Variants in CTDSPL2 observed in about 807,000 individuals in gnomAD.
CTDSPL2 encodes CTD small phosphatase-like protein 2.
A neutral mutation model predicts 60.0 loss-of-function variants in CTDSPL2; 5 were observed. That is an observed-to-expected ratio of 0.08 (90% confidence interval 0.04 to 0.18). The LOEUF is 0.18. CTDSPL2 is among the 10% of genes least tolerant of loss of function. The pLI, the probability that CTDSPL2 is intolerant of heterozygous loss-of-function variation, is 1.00. For synonymous variants in CTDSPL2, 186 were observed against 189.3 expected, an observed-to-expected ratio of 0.98 and a Z score of 0.14; for missense variants, 370 against 548.8, an observed-to-expected ratio of 0.67 and a Z score of 3.26.
intron 8 of CTDSPL2, among the ~76,000 whole-genome samples, chr15:44,509,369 T>G (rs1251652213): frequency 6.6e-6 from 1 of 152,030 alleles, no homozygotes; most frequent in Non-Finnish European, 1.5e-5. Flanking sequence ...CATGCCCAGC[T>G]AATTTTTTGC....
chr15:44,455,139 C>T (rs1015662271), intron 1 of CTDSPL2, among the ~76,000 whole-genome samples: 1 of 152,204 alleles, frequency 6.6e-6, no homozygotes, highest in African/African-American at 2.4e-5. Flanking sequence ...AGGTCCTTCA[C>T]ATCCCTTGTA....
At chr15:44,442,357 G>A (rs2080106793) in intron 1 of CTDSPL2, among the ~76,000 whole-genome samples, 1 of 150,984 alleles carries the variant, frequency 6.6e-6, no homozygotes, top group Non-Finnish European at 1.5e-5. Context: ...TGAGGCAGGA[G>A]AATTGCTTGA....
At chr15:44,447,952 C>T (rs116758960) in intron 1 of CTDSPL2, 73 of 180,916 alleles carry the variant, frequency 4.0e-4, no homozygotes, top group African/African-American at 1.7e-3. Flanking sequence ...TGGCCCATGA[C>T]GGGACCCATG....
Position 44,504,032 on chromosome 15 carries a change from G to A in CTDSPL2, c.969+4219G>A, listed in dbSNP as rs1248651973. ...GTTTTCTTGGGAATCTTACAGCTTA[G>A]GATAATTTTCATATCACAGAACAAG... On this transcript the variant is annotated intron_variant, in intron 8 of 12. Transcript: ENST00000260327. Among the ~76,000 whole-genome samples, 3 of 152,210 alleles carry A rather than the reference G, an allele frequency of 2.0e-5. No homozygotes were observed. In the East Asian group the frequency reaches 5.8e-4, roughly 29 times the overall value.
At chr15:44,523,388 C>CTACATACATACATACA (rs61461067) in intron 12 of CTDSPL2, among the ~76,000 whole-genome samples, 15 of 145,006 alleles carry the variant, frequency 1.0e-4, no homozygotes, top group Admixed American at 2.1e-4. Context: ...GACCTCATCT[C>CTACATACATACATACA]TACATACATA....
intron 7 of CTDSPL2, among the ~76,000 whole-genome samples, chr15:44,498,366 G>A (rs1450196299): frequency 6.6e-6 from 1 of 152,042 alleles, no homozygotes; most frequent in East Asian, 1.9e-4. Flanking sequence ...CAGCACTTTG[G>A]GAGGCTCCAT....
chr15:44,440,620 T>C (rs2080065884), intron 1 of CTDSPL2, among the ~76,000 whole-genome samples: 1 of 152,224 alleles, frequency 6.6e-6, no homozygotes, highest in African/African-American at 2.4e-5. Flanking sequence ...GTTTATCAAT[T>C]TACTCATCTT....
At chr15:44,454,325 A>G (rs1158283925) in intron 1 of CTDSPL2, among the ~76,000 whole-genome samples, 1 of 152,154 alleles carries the variant, frequency 6.6e-6, no homozygotes, top group African/African-American at 2.4e-5. Context: ...TCCAGATATT[A>G]GCCCTTTGTC....
Position 44,514,493 on chromosome 15 carries a change from A to G in CTDSPL2, c.970-105A>G, listed in dbSNP as rs7176244. 1.9e-4 allele frequency: 138 copies of G among 730,440 alleles called. No homozygotes were observed. The African/African-American group carries it at 2.1e-3, about 11-fold the overall frequency. 45.2% of individuals were successfully genotyped at this position (730,440 alleles called of 1,614,324 possible). On this transcript the variant is annotated intron_variant, in intron 8 of 12. Coordinates refer to ENST00000260327, the MANE Select transcript of CTDSPL2 (RefSeq NM_016396.3). ...AGTTAATATTTCTATACTTTAAAAC[A>G]TGAACTTTTTCATTATAATCAAAGT...
chr15:44,435,788 G>A (rs2079968869), intron 1 of CTDSPL2, among the ~76,000 whole-genome samples: 1 of 151,830 alleles, frequency 6.6e-6, no homozygotes, highest in South Asian at 2.1e-4. Context: ...TGTGCTTTTA[G>A]TAGAGACGGG....
At chr15:44,484,564 G>A (rs908581285) in intron 3 of CTDSPL2, among the ~76,000 whole-genome samples, 11 of 152,084 alleles carry the variant, frequency 7.2e-5, no homozygotes, top group South Asian at 2.1e-4. Flanking sequence ...GCAAAACCCC[G>A]TCTCTATTAA....
At position 44,448,456 on chromosome 15, in the gene CTDSPL2, T is replaced by A. The variant is rs1443183028; in HGVS notation, c.-24-10535T>A. 3 of 246,500 alleles carry A rather than the reference T, an allele frequency of 1.2e-5. No homozygotes were observed. In the South Asian group the frequency reaches 1.6e-4, roughly 13 times the overall value. 15.3% of individuals were successfully genotyped at this position (246,500 alleles called of 1,614,324 possible). A position where few individuals can be genotyped will look rare whatever the true frequency, so the allele number is the denominator to read the frequency against. ...TTCCATGCTGGCACCCCCAGTGTAG[T>A]CAGCGCTTGGGCCTCATCCTCTCGA... On this transcript the variant is annotated intron_variant, in intron 1 of 12. Coordinates refer to ENST00000260327, the MANE Select transcript of CTDSPL2 (RefSeq NM_016396.3).
intron 1 of CTDSPL2, among the ~76,000 whole-genome samples, chr15:44,452,240 T>C (rs1020314113): frequency 6.6e-6 from 1 of 152,186 alleles, no homozygotes; most frequent in Non-Finnish European, 1.5e-5. Context: ...TCTGTTTTGC[T>C]TTTTTTCTCT....
At position 44,521,380 on chromosome 15, in the gene CTDSPL2, C is replaced by A; in HGVS notation, c.1309C>A (p.Pro437Thr). ...KNDNELLKLI[P>T]FLEKLVELNE... is the part of the protein sequence containing the mutation. ...TGACAATGAACTCCTAAAATTGATT[C>A]CATTCCTGGAGAAGCTTGTAGAACT... The change falls in exon 12 of 13, where the codon CCA (proline) becomes ACA (threonine). Residue 437 changes from proline to threonine, a missense_variant. Coordinates refer to ENST00000260327, the MANE Select transcript of CTDSPL2 (RefSeq NM_016396.3). The A allele has an allele frequency of 6.3e-7, 1 of 1,591,014 alleles. No individual in the cohort carries two copies. The highest frequency in any genetic ancestry group is 1.3e-5 in the African/African-American group (1 of 74,296).
In CTDSPL2 at chr15:44,525,520, A is replaced by G; in HGVS notation, c.*1346A>G. 1 of 398,830 alleles carries G rather than the reference A, an allele frequency of 2.5e-6. No individual in the cohort carries two copies. The highest frequency in any genetic ancestry group is 1.3e-4 in the South Asian group (1 of 7,862). The allele number at this position is 398,830 out of a possible 1,614,324, so 24.7% of individuals were successfully genotyped here. ...CCACAGGCTCAGACTGTTTTTGTGTAAAGGATGTCAAAGAACGGCACTTTT... is the reference window on the plus strand; with the variant it reads ...CCACAGGCTCAGACTGTTTTTGTGTGAAGGATGTCAAAGAACGGCACTTTT... On this transcript the variant is annotated 3_prime_UTR_variant, in exon 13 of 13. Coordinates refer to ENST00000260327, the MANE Select transcript of CTDSPL2 (RefSeq NM_016396.3).
At chr15:44,448,011 C>T in intron 1 of CTDSPL2, 1 of 215,946 alleles carries the variant, frequency 4.6e-6, no homozygotes. Context: ...GGCACCCGTC[C>T]ACCCCAGTTC....
chr15:44,490,986 C>A lies in CTDSPL2; in HGVS notation c.678C>A (p.Ile226=), dbSNP rs750460927. 1 of 1,613,422 alleles carries A rather than the reference C, an allele frequency of 6.2e-7. No homozygotes were observed. The highest frequency in any genetic ancestry group is 8.5e-7 in the Non-Finnish European group (1 of 1,179,440). The change falls in exon 5 of 13, where the codon ATC becomes ATA. Residue 226 remains isoleucine (I), a synonymous_variant. Coordinates refer to ENST00000260327, the MANE Select transcript of CTDSPL2 (RefSeq NM_016396.3). ...CAGAAGAAACAGTTAATCGTGATAT[C>A]CCACCCCTTACAGGTGAAGAAAATT... is the stretch of plus-strand genomic sequence containing the variant. ...EEAEETVNRD[I]PPLTAPVTPD...
chr15:44,447,059 T>A (rs1030674978), intron 1 of CTDSPL2, among the ~76,000 whole-genome samples: 1 of 152,200 alleles, frequency 6.6e-6, no homozygotes, highest in African/African-American at 2.4e-5. Flanking sequence ...AATATATTAT[T>A]TTCACATTGC....
chr15:44,515,833 G>A (rs1003940366), intron 10 of CTDSPL2, among the ~76,000 whole-genome samples: 28 of 151,974 alleles, frequency 1.8e-4, no homozygotes, highest in East Asian at 1.2e-3. Flanking sequence ...AGATCGTGCC[G>A]TTGCACTCCA....
Sources: allele counts gnomAD v4.1 joint callset (sites outside exome capture counted in the v4.1 genomes callset), GRCh38; gene constraint gnomAD v4.1.1; transcripts MANE v1.5; gene names NCBI Gene and HGNC (gene_info 2026-07-23, HGNC 2026-07-21).